The following MYO7A variants were observed in gnomAD, a reference collection of about 807,000 sequenced individuals.
The protein encoded by MYO7A is myosin VIIA, also known as unconventional myosin-VIIa.
MYO7A carries 210 observed loss-of-function variants against 263.8 expected under a neutral mutation model. That is an observed-to-expected ratio of 0.80 (90% CI 0.71 to 0.89). MYO7A has a LOEUF of 0.89. Ranked by LOEUF, MYO7A falls within the 40% of genes least tolerant of loss-of-function variation. The pLI is 0.00. For missense variants in MYO7A, 2,820 were observed against 2,968.3 expected, an observed-to-expected ratio of 0.95 and a Z score of 1.16; for synonymous variants, 1,239 against 1,197.3, an observed-to-expected ratio of 1.03 and a Z score of -0.72.
chr11:77,198,668 G>A (rs1460391276), intron 34 of MYO7A, 47 bp downstream of exon 34: 2 of 1,610,264 alleles, frequency 1.2e-6, no homozygotes, highest in Middle Eastern at 1.7e-4. Context: ...GGGAAGGAGA[G>A]GGGCTGGAGC....
At chr11:77,212,895 C>T (rs958082469) in intron 46 of MYO7A, 57 bp from the exon 47 acceptor site, 12 of 1,363,318 alleles carry the variant, frequency 8.8e-6, no homozygotes, top group Non-Finnish European at 1.2e-5. Flanking sequence ...ATTCCTGTCC[C>T]CAAATGCTTT....
intron 41 of MYO7A, 137 bp from the exon 42 acceptor site, chr11:77,207,152 C>A: frequency 1.7e-6 from 1 of 597,238 alleles, no homozygotes; most frequent in Non-Finnish European, 2.9e-6. Flanking sequence ...TGTTAAATGC[C>A]ATGCCCAGCT....
chr11:77,131,161 G>A (rs572539846), intron 2 of MYO7A, among the ~76,000 whole-genome samples: 51 of 152,318 alleles, frequency 3.3e-4, no homozygotes, highest in African/African-American at 1.1e-3. Context: ...GGCCACAGTG[G>A]CCTCTGACCC....
intron 14 of MYO7A, among the ~76,000 whole-genome samples, chr11:77,164,196 C>A (rs1481931489): frequency 6.6e-6 from 1 of 152,084 alleles, no homozygotes; most frequent in Admixed American, 6.6e-5. Context: ...CTTATCTCAC[C>A]TGGAATTCTT....
chr11:77,189,065 C>T (rs1242749648), intron 27 of MYO7A, among the ~76,000 whole-genome samples: 1 of 152,166 alleles, frequency 6.6e-6, no homozygotes, highest in Non-Finnish European at 1.5e-5. Context: ...GGCTGCTGAG[C>T]CCAGAGCAGG....
At chr11:77,186,552 G>A (rs1392727755) in intron 27 of MYO7A, among the ~76,000 whole-genome samples, 2 of 152,144 alleles carry the variant, frequency 1.3e-5, no homozygotes, top group Non-Finnish European at 2.9e-5. Context: ...ACAGCTTCTT[G>A]CTTTGAACCT....
chr11:77,174,754 A>G lies in MYO7A; in HGVS notation c.1936-2A>G. 6.3e-7 allele frequency: 1 copy of G among 1,580,842 alleles called. No homozygotes were observed. The highest frequency in any genetic ancestry group is 8.6e-7 in the Non-Finnish European group (1 of 1,164,016). On this transcript the variant is annotated splice_acceptor_variant, in intron 16 of 48. Transcript: ENST00000409709. LOFTEE classifies it high-confidence loss of function. ...TGATGCCCTTGGCTGTGTGCCTGGC[A>G]GCTGTTCGACCGGCACCTGTGCGTG...
intron 1 of MYO7A, among the ~76,000 whole-genome samples, chr11:77,129,314 T>C (rs7945715): frequency 0.39 from 58,876 of 152,192 alleles, 12,303 homozygotes; most frequent in Middle Eastern, 0.57. Flanking sequence ...CTGGAAGGAC[T>C]GTGGGTTTGC....
chr11:77,147,611 A>G (rs561641048), intron 3 of MYO7A, among the ~76,000 whole-genome samples, 187 bp from the exon 4 acceptor site: 51 of 152,110 alleles, frequency 3.4e-4, no homozygotes, highest in Non-Finnish European at 4.3e-4. Context: ...GCGGTCCTTG[A>G]GGGGTAGAGG....
In MYO7A at chr11:77,158,487, C is replaced by T. The variant is rs1555066115; in HGVS notation, c.1003+57C>T. The T allele has an allele frequency of 1.9e-6, 3 of 1,560,596 alleles. No individual in the cohort carries two copies. In the African/African-American group the frequency reaches 4.1e-5, roughly 21 times the overall value. On this transcript the variant is annotated intron_variant, in intron 9 of 48. Coordinates refer to ENST00000409709, the MANE Select transcript of MYO7A (RefSeq NM_000260.4). The stretch of plus-strand genomic sequence containing the variant: ...CCCTGCGCCAAGGGCAGTGCAGTGC[C>T]TTGCTGCCCACGTGGTATTGGCAGC...
intron 31 of MYO7A, chr11:77,194,131 T>A (rs1956461377): frequency 1.4e-6 from 1 of 697,238 alleles, no homozygotes. Flanking sequence ...GCCAGAGGGA[T>A]CCAGGAGAAG....
In MYO7A at chr11:77,214,801, G is replaced by A; in HGVS notation, c.*105G>A. 2.1e-6 allele frequency: 2 copies of A among 954,360 alleles called. No individual in the cohort carries two copies. Among genetic ancestry groups the A allele is most frequent in the Middle Eastern group, 3.0e-4 (1 of 3,286 alleles). The allele number at this position is 954,360 out of a possible 1,614,324, so 59.1% of individuals were successfully genotyped here. On this transcript the variant is annotated 3_prime_UTR_variant, in exon 49 of 49. Transcript: ENST00000409709. Reference sequence around the variant, plus strand: ...GGGGAAGACTTATGCCATCCCGGCAGCGAGGCTGGGCTGGCCAGCCACCAC... The same window carrying A: ...GGGGAAGACTTATGCCATCCCGGCAACGAGGCTGGGCTGGCCAGCCACCAC...
chr11:77,207,062 GGAC>G (rs1356881340), intron 41 of MYO7A: 4 of 462,028 alleles, frequency 8.7e-6, no homozygotes, highest in Non-Finnish European at 1.6e-5. Context: ...CCAGGACTCT[GGAC>G]GCCAAGGCCA....
intron 20 of MYO7A, 91 bp downstream of exon 20, chr11:77,179,220 C>T (rs1954944336): frequency 5.9e-6 from 7 of 1,176,574 alleles, no homozygotes; most frequent in Non-Finnish European, 8.5e-6. Flanking sequence ...ACCCAGGCAG[C>T]ACAGCCTGGC....
intron 29 of MYO7A, 31 bp downstream of exon 29, chr11:77,190,170 G>T: frequency 6.5e-7 from 1 of 1,528,566 alleles, no homozygotes; most frequent in Non-Finnish European, 8.8e-7. Context: ...GTGCTCGTGT[G>T]CATGTGTGCG....
At position 77,179,061 on chromosome 11, in the gene MYO7A, C is replaced by A; in HGVS notation, c.2299C>A (p.Leu767Met). Residue 767 changes from leucine to methionine, a missense_variant, in exon 20 of 49, where the codon CTG (leucine) becomes ATG (methionine). Leu to Met is a conservative substitution (Grantham distance 15). Coordinates refer to ENST00000409709, the MANE Select transcript of MYO7A (RefSeq NM_000260.4). ...CTGTTTCAGGTCTAACTTTCTGAAG[C>A]TGAAGAACGCTGCCACACTGATCCA... ...GFKDRSNFLK[L>M]KNAATLIQRH... 1 of 1,607,810 alleles carries A rather than the reference C, an allele frequency of 6.2e-7. No individual in the cohort carries two copies. Among genetic ancestry groups the A allele is most frequent in the Non-Finnish European group, 8.5e-7 (1 of 1,177,722 alleles).
At chr11:77,212,877 C>T in intron 46 of MYO7A, 75 bp from the exon 47 acceptor site, 2 of 1,202,014 alleles carry the variant, frequency 1.7e-6, no homozygotes, top group East Asian at 2.5e-5. Context: ...CAGCTGGGGC[C>T]AGGCTTCATT....
At chr11:77,135,389 T>C (rs1220061062) in intron 2 of MYO7A, among the ~76,000 whole-genome samples, 1 of 152,270 alleles carries the variant, frequency 6.6e-6, no homozygotes, top group African/African-American at 2.4e-5. Context: ...ATTAATAGCA[T>C]GTGTCAGAAT....
chr11:77,165,625 C>T (rs1193872163), intron 14 of MYO7A, among the ~76,000 whole-genome samples: 3 of 152,228 alleles, frequency 2.0e-5, no homozygotes, highest in Non-Finnish European at 4.4e-5. Context: ...CTTCATAAAA[C>T]ATAACACACT....
Sources: gnomAD v4.1 joint callset for allele counts (sites outside exome capture counted in the v4.1 genomes callset) on GRCh38, gnomAD v4.1.1 for gene constraint, MANE v1.5 for transcripts, NCBI Gene and HGNC (gene_info 2026-07-23, HGNC 2026-07-21) for gene names.